Variants in GRHL1 observed in about 807,000 individuals in gnomAD.
GRHL1 encodes grainyhead-like protein 1 homolog.
Under a neutral mutation model 75.7 loss-of-function variants are expected in GRHL1, and 38 were observed. That is an observed-to-expected ratio of 0.50 (90% CI 0.39 to 0.66). The LOEUF (loss-of-function observed/expected upper bound fraction) is 0.66. GRHL1 is among the 30% of genes least tolerant of loss of function. GRHL1 has a pLI of 0.00. For synonymous variants in GRHL1, 266 were observed against 279.4 expected (o/e 0.95, Z 0.48); for missense variants, 589 against 767.5 (o/e 0.77, Z 2.75).
chr2:9,961,317 G>C lies in GRHL1; in HGVS notation c.550G>C (p.Val184Leu). The change falls in exon 4 of 16, where the codon GTG becomes CTG. Residue 184 changes from valine (V) to leucine (L), a missense_variant. This residue lies in a region of GRHL1 where 362 missense variants were observed against 461.8 expected (regional missense o/e 0.78). Coordinates refer to ENST00000324907, the MANE Select transcript of GRHL1 (RefSeq NM_198182.3). ...VYHPEPTERVVVFDRNLNTDQ... is the reference protein window; with the variant it reads ...VYHPEPTERVLVFDRNLNTDQ... ...TCATCCTGAGCCCACTGAGCGGGTG[G>C]TGGTTTTCGATCGGAATCTCAATAC... The C allele has an allele frequency of 1.2e-6, 2 of 1,614,210 alleles. No homozygotes were observed. The highest frequency in any genetic ancestry group is 1.7e-6 in the Non-Finnish European group (2 of 1,180,046).
intron 9 of GRHL1, among the ~76,000 whole-genome samples, chr2:9,986,667 C>T (rs149929237): frequency 0.016 from 2,493 of 152,138 alleles, 36 homozygotes; most frequent in South Asian, 0.028. Context: ...ATCTGCCCAC[C>T]TCAGCCTCCC....
intron 8 of GRHL1, among the ~76,000 whole-genome samples, chr2:9,980,802 C>T (rs1223914713): frequency 6.6e-6 from 1 of 152,196 alleles, no homozygotes; most frequent in African/African-American, 2.4e-5. Context: ...TGAAATGGGG[C>T]TTTTTAAGTG....
rs533869227 is a variant in GRHL1 at position 9,978,063 on chromosome 2, G to A, written c.1111-8061G>A. On this transcript the variant is annotated intron_variant, in intron 8 of 15. Coordinates refer to ENST00000324907, the MANE Select transcript of GRHL1 (RefSeq NM_198182.3). ...TCTCATGGGACTTATTCACTACCAC[G>A]AGAACAGTATGGGGGAAATCGCCCC... Among the ~76,000 whole-genome samples the A allele has an allele frequency of 3.2e-4, 49 of 152,280 alleles. No individual in the cohort carries two copies. In the East Asian group the frequency reaches 3.5e-3, roughly 11 times the overall value.
In GRHL1 at chr2:9,964,003, C is replaced by G; in HGVS notation, c.864C>G (p.Ser288Arg). 1 of 1,613,312 alleles carries G rather than the reference C, an allele frequency of 6.2e-7. No homozygotes were observed. Among genetic ancestry groups the G allele is most frequent in the Non-Finnish European group, 8.5e-7 (1 of 1,179,294 alleles). Residue 288 changes from serine to arginine, a missense_variant, in exon 6 of 16, where the codon AGC becomes AGG. Coordinates refer to ENST00000324907, the MANE Select transcript of GRHL1 (RefSeq NM_198182.3). ...QFYPITLKEV[S>R]SSEGIHHPIS... ...ATCCCATCACCTTGAAGGAGGTGAGCAGCAGTGAAGGAATCCATCATCCCA... is the reference window on the plus strand; with the variant it reads ...ATCCCATCACCTTGAAGGAGGTGAGGAGCAGTGAAGGAATCCATCATCCCA...
Position 9,954,897 on chromosome 2 carries a change from T to G in GRHL1, c.21-18T>G, listed in dbSNP as rs761542959. The G allele has an allele frequency of 9.3e-6, 15 of 1,607,482 alleles. No individual in the cohort carries two copies. The highest frequency in any genetic ancestry group is 1.1e-5 in the Non-Finnish European group (13 of 1,174,230). On this transcript the variant is annotated intron_variant, in intron 1 of 15. Coordinates refer to ENST00000324907, the MANE Select transcript of GRHL1 (RefSeq NM_198182.3). The stretch of plus-strand genomic sequence containing the variant: ...TAGAAAAGTGTGTGTTTTTGTTTTT[T>G]TTTTAATTTCTCTGAAGCAAACGGC...
Position 9,968,803 on chromosome 2 carries a change from T to C in GRHL1, c.1110+3422T>C, listed in dbSNP as rs1420844815. Among the ~76,000 whole-genome samples the C allele has an allele frequency of 1.3e-5, 2 of 152,166 alleles. No homozygotes were observed. The highest frequency in any genetic ancestry group is 2.9e-5 in the Non-Finnish European group (2 of 68,022). On this transcript the variant is annotated intron_variant, in intron 8 of 15. Coordinates refer to ENST00000324907, the MANE Select transcript of GRHL1 (RefSeq NM_198182.3). This position sits in a 1 kb window ranked among gnomAD's most constrained non-coding sequence, Gnocchi z 4.7. ...ATGCAGCTTTGCAGGAATTCAGAACTGAGCCCAGCACATATCCGAGAGCCT... is the reference window on the plus strand; with the variant it reads ...ATGCAGCTTTGCAGGAATTCAGAACCGAGCCCAGCACATATCCGAGAGCCT...
chr2:9,958,882 A>G, intron 3 of GRHL1, 26 bp downstream of exon 3: 1 of 1,612,340 alleles, frequency 6.2e-7, no homozygotes, highest in Non-Finnish European at 8.5e-7. Context: ...TAACAGCATA[A>G]AGAGTGCAGG....
Position 9,954,819 on chromosome 2 carries a change from A to T in GRHL1, c.21-96A>T. 2.9e-6 allele frequency: 3 copies of T among 1,032,242 alleles called. No homozygotes were observed. The Admixed American group carries it at 5.8e-5, about 20-fold the overall frequency. 63.9% of individuals were successfully genotyped at this position (1,032,242 alleles called of 1,614,324 possible). On this transcript the variant is annotated intron_variant, in intron 1 of 15. Transcript: ENST00000324907. ...ACTTCCTAGGGTCATTGATGAAACA[A>T]TAGGCTATTTTATAGGAATGTCAAG... is the stretch of plus-strand genomic sequence containing the variant.
chr2:9,951,730 G>A lies in GRHL1; in HGVS notation c.-104G>A. 2 of 1,122,106 alleles carry A rather than the reference G, an allele frequency of 1.8e-6. No individual in the cohort carries two copies. The highest frequency in any genetic ancestry group is 7.2e-5 in the East Asian group (2 of 27,926). 69.5% of individuals were successfully genotyped at this position (1,122,106 alleles called of 1,614,324 possible). On this transcript the variant is annotated 5_prime_UTR_variant, in exon 1 of 16. Transcript: ENST00000324907. The surrounding 1 kb of genome is among the most constrained non-coding windows in gnomAD (Gnocchi z 4.2). Reference sequence around the variant, plus strand: ...GCAAACCCAACCCGTCGGGGCCGCCGCTCCGGACCCGCAGCCGCCGCCGCC... The same window carrying A: ...GCAAACCCAACCCGTCGGGGCCGCCACTCCGGACCCGCAGCCGCCGCCGCC...
At chr2:9,991,926 C>CGCT in intron 10 of GRHL1, 81 bp from the exon 11 acceptor site, 1 of 1,091,122 alleles carries the variant, frequency 9.2e-7, no homozygotes, top group African/African-American at 1.6e-5. Flanking sequence ...TACTCAGAGG[C>CGCT]GAGCACTCTG....
At chr2:9,959,047 C>T (rs1175765307) in intron 3 of GRHL1, 191 bp downstream of exon 3, 6 of 761,756 alleles carry the variant, frequency 7.9e-6, no homozygotes, top group African/African-American at 1.8e-5. Context: ...TTTCTTTGGG[C>T]GTAGTAGTTG....
intron 2 of GRHL1, among the ~76,000 whole-genome samples, chr2:9,957,256 A>G (rs928110160): frequency 2.0e-5 from 3 of 151,886 alleles, no homozygotes; most frequent in African/African-American, 7.3e-5. Context: ...CTCCCAAAGT[A>G]TTAGGATTAC....
intron 8 of GRHL1, among the ~76,000 whole-genome samples, chr2:9,977,483 G>T (rs1364648705): frequency 6.6e-6 from 1 of 152,160 alleles, no homozygotes; most frequent in African/African-American, 2.4e-5. Context: ...ACCTCACTCA[G>T]CTAAGTTTTT....
In GRHL1 at chr2:9,951,969, G is replaced by A. The variant is rs1325802424; in HGVS notation, c.20+116G>A. On this transcript the variant is annotated intron_variant, in intron 1 of 15. Coordinates refer to ENST00000324907, the MANE Select transcript of GRHL1 (RefSeq NM_198182.3). This position sits in a 1 kb window ranked among gnomAD's most constrained non-coding sequence, Gnocchi z 4.2. ...GCGCGGGCGGGCGGGCGCGGGGCGC[G>A]AGCCGGGGGCCGCTGTCCACTCCAC... is the stretch of plus-strand genomic sequence containing the variant. The A allele has an allele frequency of 1.0e-5, 5 of 479,156 alleles. No homozygotes were observed. Among genetic ancestry groups the A allele is most frequent in the Admixed American group, 1.2e-4 (2 of 16,094 alleles). The allele number at this position is 479,156 out of a possible 1,614,324, so 29.7% of individuals were successfully genotyped here.
chr2:9,980,800 G>A (rs568583660), intron 8 of GRHL1, among the ~76,000 whole-genome samples: 4 of 152,340 alleles, frequency 2.6e-5, no homozygotes, highest in African/African-American at 9.6e-5. Flanking sequence ...TCTGAAATGG[G>A]GCTTTTTAAG....
intron 5 of GRHL1, 119 bp from the exon 6 acceptor site, chr2:9,963,767 G>A (rs1667374661): frequency 1.5e-6 from 1 of 659,050 alleles, no homozygotes; most frequent in Non-Finnish European, 2.5e-6. Context: ...TAGCTGCTGA[G>A]TACTTTTGTT....
At chr2:9,977,445 C>T (rs932164784) in intron 8 of GRHL1, among the ~76,000 whole-genome samples, 6 of 152,178 alleles carry the variant, frequency 3.9e-5, no homozygotes, top group African/African-American at 1.2e-4. Context: ...CTCAGCCTCC[C>T]GACTAACTGG....
chr2:9,963,924 T>C lies in GRHL1; in HGVS notation c.785T>C (p.Leu262Pro), dbSNP rs930065864. ...FEYTLEASKSLRQKPGDSTMT... is the reference protein window; with the variant it reads ...FEYTLEASKSPRQKPGDSTMT... ...TATACCCTAGAAGCTTCAAAATCAC[T>C]TCGACAGAAGCCAGGAGACAGTACC... Residue 262 changes from leucine (L) to proline (P), a missense_variant, in exon 6 of 16, where the codon CTT becomes CCT. Leu to Pro is a moderately conservative substitution (Grantham distance 98). Around this residue, in one of 5 missense-constraint regions of GRHL1, gnomAD observed 362 missense variants for 461.8 expected, o/e 0.78. Coordinates refer to ENST00000324907, the MANE Select transcript of GRHL1 (RefSeq NM_198182.3). 6.2e-7 allele frequency: 1 copy of C among 1,613,848 alleles called. No homozygotes were observed. Among genetic ancestry groups the C allele is most frequent in the Non-Finnish European group, 8.5e-7 (1 of 1,179,860 alleles).
intron 2 of GRHL1, among the ~76,000 whole-genome samples, chr2:9,957,297 C>G (rs1441884729): frequency 2.0e-5 from 3 of 151,342 alleles, no homozygotes; most frequent in African/African-American, 7.3e-5. Flanking sequence ...GGCCTATTTT[C>G]TTTTTCAAAT....
Sources: allele counts gnomAD v4.1 joint callset (sites outside exome capture counted in the v4.1 genomes callset), GRCh38; gene constraint gnomAD v4.1.1; regional missense constraint gnomAD v4.1.1; non-coding constraint Gnocchi (gnomAD v3.1); transcripts MANE v1.5; gene names NCBI Gene and HGNC (gene_info 2026-07-23, HGNC 2026-07-21).